Variants in PCDHGA11 observed in about 807,000 individuals in gnomAD.
PCDHGA11 encodes the protein protocadherin gamma subfamily A, 11, also known as protocadherin gamma-A11.
PCDHGA11 carries 39 observed loss-of-function variants against 60.4 expected under a neutral mutation model. That is an observed-to-expected ratio of 0.65 (90% CI 0.50 to 0.84). The LOEUF (loss-of-function observed/expected upper bound fraction) is 0.84. PCDHGA11 is among the 40% of genes least tolerant of loss of function. The pLI is 0.00. For synonymous variants in PCDHGA11, 533 were observed against 510.3 expected (o/e 1.04, Z -0.60); for missense variants, 1,165 against 1,197.7 (o/e 0.97, Z 0.40).
At chr5:141,427,808 G>C (rs756554301) in intron 1 of PCDHGA11, 1 of 1,522,948 alleles carries the variant, frequency 6.6e-7, no homozygotes, top group Non-Finnish European at 9.0e-7. Context: ...TGAGCGCACA[G>C]AGCGGGGTGG....
In PCDHGA11 at chr5:141,486,836, G is replaced by C; in HGVS notation, c.2434-7971G>C. On this transcript the variant is annotated intron_variant, in intron 1 of 3. Coordinates refer to ENST00000398587, the MANE Select transcript of PCDHGA11 (RefSeq NM_018914.3). This position sits in a 1 kb window ranked among gnomAD's most constrained non-coding sequence, Gnocchi z 5.0. ...CAGCACTGTAACAGTTCGTCTATTT[G>C]TGCTGGACCTCAATGACAATGCTCC... 1 of 1,614,242 alleles carries C rather than the reference G, an allele frequency of 6.2e-7. No individual in the cohort carries two copies. The highest frequency in any genetic ancestry group is 8.5e-7 in the Non-Finnish European group (1 of 1,180,046).
rs772000812 is a variant in PCDHGA11, at chr5:141,478,304, C to T, written c.2434-16503C>T. The T allele has an allele frequency of 8.1e-6, 13 of 1,614,108 alleles. No individual in the cohort carries two copies. In the Middle Eastern group the frequency reaches 1.2e-3, roughly 143 times the overall value. On this transcript the variant is annotated intron_variant, in intron 1 of 3. Coordinates refer to ENST00000398587, the MANE Select transcript of PCDHGA11 (RefSeq NM_018914.3). The stretch of plus-strand genomic sequence containing the variant: ...GCAGTCTAGAGACCTATACCGAGCC[C>T]CGGTGAGCTCACTGTACCGAACACC...
chr5:141,432,622 G>A lies in PCDHGA11; in HGVS notation c.2433+8962G>A. 6.2e-7 allele frequency: 1 copy of A among 1,612,776 alleles called. No individual in the cohort carries two copies. The stretch of plus-strand genomic sequence containing the variant: ...AGCCGGGACTCTTCTCGGTGGGTCT[G>A]CACACGGGCGAGGTGCGCACGGCGC... On this transcript the variant is annotated intron_variant, in intron 1 of 3. Transcript: ENST00000398587. This position sits in a 1 kb window ranked among gnomAD's most constrained non-coding sequence, Gnocchi z 6.0.
chr5:141,481,913 CAA>C (rs34114744), intron 1 of PCDHGA11, among the ~76,000 whole-genome samples: 12,059 of 90,730 alleles, frequency 0.13, 576 homozygotes, highest in African/African-American at 0.21. Flanking sequence ...AACTCCATCT[CAA>C]AAAAAAAAAA....
Position 141,422,541 on chromosome 5 carries a change from T to G in PCDHGA11, c.1314T>G (p.His438Gln). The G allele has an allele frequency of 6.2e-7, 1 of 1,613,992 alleles. No homozygotes were observed. The highest frequency in any genetic ancestry group is 8.5e-7 in the Non-Finnish European group (1 of 1,179,896). The change falls in exon 1 of 4, where the codon CAT becomes CAG. Residue 438 changes from histidine (H) to glutamine (Q), a missense_variant. Physicochemically the swap from His to Gln is conservative, Grantham distance 24 (BLOSUM62 0). Coordinates refer to ENST00000398587, the MANE Select transcript of PCDHGA11 (RefSeq NM_018914.3). ...QGSPPLSAET[H>Q]VWLNVADDND... Reference sequence around the variant, plus strand: ...GCCCGCCTTTGTCTGCAGAAACTCATGTCTGGCTGAATGTGGCAGATGACA... The same window carrying G: ...GCCCGCCTTTGTCTGCAGAAACTCAGGTCTGGCTGAATGTGGCAGATGACA...
chr5:141,447,430 A>G (rs960560239), intron 1 of PCDHGA11, among the ~76,000 whole-genome samples: 9 of 152,156 alleles, frequency 5.9e-5, no homozygotes, highest in African/African-American at 2.2e-4. Flanking sequence ...GAGCCACCGC[A>G]CCCGGAGGAA....
At position 141,476,761 on chromosome 5, in the gene PCDHGA11, G is replaced by C. The variant is rs1293828206; in HGVS notation, c.2434-18046G>C. ...AGCCTAGTCTCCAGTTAGTGCTGAC[G>C]GCGTTGGACGGAGGGACCCCAGCTC... On this transcript the variant is annotated intron_variant, in intron 1 of 3. Transcript: ENST00000398587. This position sits in a 1 kb window ranked among gnomAD's most constrained non-coding sequence, Gnocchi z 7.6. 6.2e-7 allele frequency: 1 copy of C among 1,613,734 alleles called. No individual in the cohort carries two copies. Among genetic ancestry groups the C allele is most frequent in the East Asian group, 2.2e-5 (1 of 44,884 alleles).
intron 2 of PCDHGA11, among the ~76,000 whole-genome samples, chr5:141,503,010 A>T (rs1595838084): frequency 6.8e-6 from 1 of 146,772 alleles, no homozygotes; most frequent in East Asian, 2.0e-4. Context: ...TGCCCGGTTA[A>T]TTTTTTTTTT....
Position 141,422,777 on chromosome 5 carries a change from C to CCCTACAAT in PCDHGA11, c.1554_1561dup (p.Phe521TyrfsTer12). 2 of 1,613,982 alleles carry CCCTACAAT rather than the reference C, an allele frequency of 1.2e-6. No individual in the cohort carries two copies. Among genetic ancestry groups the CCCTACAAT allele is most frequent in the Non-Finnish European group, 1.7e-6 (2 of 1,179,874 alleles). ...AACTCCAACACTGGTGTTCTCTATG[C>CCCTACAAT]CCTACAATCCTTCGACTATGAGCAG... On this transcript the variant is annotated frameshift_variant, in exon 1 of 4. Transcript: ENST00000398587. LOFTEE classifies it high-confidence loss of function.
Position 141,464,048 on chromosome 5 carries a change from T to G in PCDHGA11, c.2434-30759T>G, listed in dbSNP as rs377735829. Reference sequence around the variant, plus strand: ...GGGAGGCCAAGGCGGGTGGATCACCTGAGGTCAGGAGTTCAAGGCCAGCCT... The same window carrying G: ...GGGAGGCCAAGGCGGGTGGATCACCGGAGGTCAGGAGTTCAAGGCCAGCCT... On this transcript the variant is annotated intron_variant, in intron 1 of 3. Transcript: ENST00000398587. 1.2e-4 allele frequency among the ~76,000 whole-genome samples: 18 copies of G among 152,260 alleles called. No individual in the cohort carries two copies. In the East Asian group the frequency reaches 3.5e-3, roughly 29 times the overall value.
rs1369150914 is a variant in PCDHGA11 at position 141,432,217 on chromosome 5, G to A, written c.2433+8557G>A. The A allele has an allele frequency of 3.1e-6, 5 of 1,614,204 alleles. No individual in the cohort carries two copies. The East Asian group carries it at 6.7e-5, about 22-fold the overall frequency. On this transcript the variant is annotated intron_variant, in intron 1 of 3. Coordinates refer to ENST00000398587, the MANE Select transcript of PCDHGA11 (RefSeq NM_018914.3). The surrounding 1 kb of genome is among the most constrained non-coding windows in gnomAD (Gnocchi z 6.0). ...ACCCCGACTGTGAAGAGAACGCCCAGATCACTTATTCCCTGGCTGAGAACA... is the reference window on the plus strand; with the variant it reads ...ACCCCGACTGTGAAGAGAACGCCCAAATCACTTATTCCCTGGCTGAGAACA...
intron 1 of PCDHGA11, among the ~76,000 whole-genome samples, chr5:141,484,092 G>A (rs1594371151): frequency 6.6e-6 from 1 of 152,102 alleles, no homozygotes; most frequent in African/African-American, 2.4e-5. Flanking sequence ...AATGGTCTTC[G>A]TTGGTAATTA....
At chr5:141,503,332 C>T (rs536647792) in intron 2 of PCDHGA11, among the ~76,000 whole-genome samples, 5 of 152,074 alleles carry the variant, frequency 3.3e-5, no homozygotes, top group Admixed American at 6.5e-5. Context: ...CGCGGTGGCT[C>T]ACGCCTGTAA....
chr5:141,497,954 G>A (rs1203635313), intron 2 of PCDHGA11, among the ~76,000 whole-genome samples: 7 of 152,198 alleles, frequency 4.6e-5, no homozygotes, highest in Non-Finnish European at 1.5e-5. Context: ...CTTTCTGTTG[G>A]CCAGGCAGTG....
chr5:141,503,209 C>T (rs963237902), intron 2 of PCDHGA11, among the ~76,000 whole-genome samples: 3 of 152,020 alleles, frequency 2.0e-5, no homozygotes, highest in African/African-American at 7.3e-5. Context: ...TCTCAGTGCC[C>T]ACCATGAGCA....
chr5:141,490,775 A>G lies in PCDHGA11; in HGVS notation c.2434-4032A>G. 6 of 1,614,110 alleles carry G rather than the reference A, an allele frequency of 3.7e-6. No homozygotes were observed. Among genetic ancestry groups the G allele is most frequent in the Non-Finnish European group, 5.1e-6 (6 of 1,179,964 alleles). On this transcript the variant is annotated intron_variant, in intron 1 of 3. Transcript: ENST00000398587. The surrounding 1 kb of genome is among the most constrained non-coding windows in gnomAD (Gnocchi z 5.4). ...TCCTCCTTTGTGTATGTCAACCCAG[A>G]GGATGGACGGATCTTTGCCCAGCGT...
At chr5:141,481,913 CAAAA>C (rs34114744) in intron 1 of PCDHGA11, among the ~76,000 whole-genome samples, 1 of 90,848 alleles carries the variant, frequency 1.1e-5, no homozygotes, top group Non-Finnish European at 2.2e-5. Context: ...AACTCCATCT[CAAAA>C]AAAAAAAAAA....
chr5:141,507,525 A>T (rs1053801558), intron 3 of PCDHGA11, among the ~76,000 whole-genome samples: 1 of 152,000 alleles, frequency 6.6e-6, no homozygotes, highest in Non-Finnish European at 1.5e-5. Context: ...ATGATTCCAG[A>T]GAGGCCAGAG....
rs746913952 is a variant in PCDHGA11, at chr5:141,432,898, G to A, written c.2433+9238G>A. The A allele has an allele frequency of 1.2e-6, 2 of 1,614,174 alleles. No homozygotes were observed. Among genetic ancestry groups the A allele is most frequent in the South Asian group, 1.1e-5 (1 of 91,090 alleles). On this transcript the variant is annotated intron_variant, in intron 1 of 3. Transcript: ENST00000398587. This position sits in a 1 kb window ranked among gnomAD's most constrained non-coding sequence, Gnocchi z 6.0. ...TGGCCTTCGTCATCTTGCTGCTGGC[G>A]CTCAGGCTGCGGCGCTGGCACAAGT...
Sources: gnomAD v4.1 joint callset for allele counts (sites outside exome capture counted in the v4.1 genomes callset) on GRCh38, gnomAD v4.1.1 for gene constraint, Gnocchi (gnomAD v3.1) non-coding constraint, MANE v1.5 for transcripts, NCBI Gene and HGNC (gene_info 2026-07-23, HGNC 2026-07-21) for gene names.